The following PDE11A variants were observed in gnomAD, a reference collection of about 807,000 sequenced individuals.
PDE11A encodes the protein phosphodiesterase 11A.
PDE11A carries 100 observed loss-of-function variants against 100.5 expected under a neutral mutation model. That is an observed-to-expected ratio of 1.00 (90% CI 0.85 to 1.18). PDE11A has a LOEUF of 1.18. Among genes scored for constraint, PDE11A ranks in the 50% most tolerant of loss-of-function variants. PDE11A has a pLI of 0.00. For missense variants in PDE11A, 1,141 were observed against 1,152.6 expected (o/e 0.99, Z 0.15); for synonymous variants, 381 against 420.8 (o/e 0.91, Z 1.16).
At chr2:177,933,248 T>C (rs574230560) in intron 2 of PDE11A, among the ~76,000 whole-genome samples, 4 of 152,302 alleles carry the variant, frequency 2.6e-5, no homozygotes, top group African/African-American at 9.6e-5. Flanking sequence ...AATGGCCATA[T>C]TGCTCAAAGC....
At chr2:177,700,949 C>T in intron 14 of PDE11A, 172 bp downstream of exon 14, 4 of 675,878 alleles carry the variant, frequency 5.9e-6, no homozygotes, top group Non-Finnish European at 1.1e-5. Context: ...CTGCAAGGTC[C>T]TGCTCAGGCA....
chr2:177,902,358 C>T (rs935320543), intron 3 of PDE11A, among the ~76,000 whole-genome samples: 1 of 152,168 alleles, frequency 6.6e-6, no homozygotes, highest in African/African-American at 2.4e-5. Context: ...ACTCCTTTTT[C>T]AGACTCAGCC....
At chr2:177,734,540 A>G (rs1405710000) in intron 10 of PDE11A, among the ~76,000 whole-genome samples, 1 of 152,048 alleles carries the variant, frequency 6.6e-6, no homozygotes, top group Non-Finnish European at 1.5e-5. Context: ...TCTCCTGGCA[A>G]TTGTTTTCTC....
rs555736665 is a variant in PDE11A at position 177,701,922 on chromosome 2, T to A, written c.2154-711A>T. ...TAGCTTTGGACGGTTACTTGGCCTT[T>A]TTAAGACTCAGTTTCTTTGTCTCTA... On this transcript the variant is annotated intron_variant, in intron 13 of 19. Coordinates refer to ENST00000286063, the MANE Select transcript of PDE11A (RefSeq NM_016953.4). Among the ~76,000 whole-genome samples the A allele has an allele frequency of 2.4e-4, 37 of 152,326 alleles. No homozygotes were observed. The South Asian group carries it at 7.7e-3, about 32-fold the overall frequency.
At chr2:177,772,435 T>C (rs2082323579) in intron 9 of PDE11A, among the ~76,000 whole-genome samples, 2 of 151,554 alleles carry the variant, frequency 1.3e-5, no homozygotes, top group South Asian at 2.1e-4. Flanking sequence ...CTGGATATTA[T>C]GTTATGTCAT....
intron 2 of PDE11A, among the ~76,000 whole-genome samples, chr2:177,952,359 T>G (rs890086767): frequency 1.3e-5 from 2 of 152,250 alleles, no homozygotes; most frequent in Non-Finnish European, 2.9e-5. Flanking sequence ...GCATACAGTT[T>G]TGATTGCACT....
intron 1 of PDE11A, among the ~76,000 whole-genome samples, chr2:178,036,687 G>A (rs942152475): frequency 2.6e-5 from 4 of 152,012 alleles, no homozygotes; most frequent in Admixed American, 6.6e-5. Context: ...ATAGACCAAC[G>A]GAACGAAAGG....
chr2:177,657,086 C>A (rs2080401147), intron 19 of PDE11A, among the ~76,000 whole-genome samples: 1 of 152,022 alleles, frequency 6.6e-6, no homozygotes, highest in South Asian at 2.1e-4. Flanking sequence ...ATCATTTTGT[C>A]AAAAATTTGG....
At chr2:177,921,366 C>T (rs372003404) in intron 2 of PDE11A, among the ~76,000 whole-genome samples, 2 of 151,162 alleles carry the variant, frequency 1.3e-5, no homozygotes, top group African/African-American at 4.9e-5. Flanking sequence ...ATACATACAA[C>T]TTTACCCAGA....
chr2:177,741,471 T>C (rs1024306941), intron 10 of PDE11A, among the ~76,000 whole-genome samples: 1 of 152,142 alleles, frequency 6.6e-6, no homozygotes, highest in African/African-American at 2.4e-5. Flanking sequence ...AAGAAACAAT[T>C]TGGTCCATAA....
intron 10 of PDE11A, among the ~76,000 whole-genome samples, chr2:177,745,477 C>G (rs2081935122): frequency 6.6e-6 from 1 of 152,206 alleles, no homozygotes; most frequent in South Asian, 2.1e-4. Flanking sequence ...TTCAGTAAGT[C>G]TAGGACGGGA....
intron 19 of PDE11A, among the ~76,000 whole-genome samples, chr2:177,637,710 T>A (rs928192530): frequency 6.6e-6 from 1 of 151,022 alleles, no homozygotes; most frequent in Non-Finnish European, 1.5e-5. Flanking sequence ...GTTTTACATC[T>A]GTCTTTTCCC....
chr2:177,765,891 C>T (rs1179226535), intron 10 of PDE11A, among the ~76,000 whole-genome samples: 1 of 152,214 alleles, frequency 6.6e-6, no homozygotes, highest in East Asian at 1.9e-4. Flanking sequence ...ATTTCTGCAT[C>T]CCAGATGTGG....
In PDE11A at chr2:177,672,556, G is replaced by A. The variant is rs557080781; in HGVS notation, c.2487+2899C>T. 3.9e-5 allele frequency among the ~76,000 whole-genome samples: 6 copies of A among 152,276 alleles called. No individual in the cohort carries two copies. In the South Asian group the frequency reaches 8.3e-4, roughly 21 times the overall value. ...AAGATAGTGAGGAGGCTATAAGGATGAGAATCCATGGCAAAATAATTTGTA... is the reference window on the plus strand; with the variant it reads ...AAGATAGTGAGGAGGCTATAAGGATAAGAATCCATGGCAAAATAATTTGTA... On this transcript the variant is annotated intron_variant, in intron 17 of 19. Coordinates refer to ENST00000286063, the MANE Select transcript of PDE11A (RefSeq NM_016953.4).
At position 177,629,069 on chromosome 2, in the gene PDE11A, G is replaced by C. The variant is rs1340057724; in HGVS notation, c.*338C>G. ...AAGCAGCGCTAATGACGCTTTTACT[G>C]TTCAGTGTTCCCTCAGCTCAGAGTA... is the stretch of plus-strand genomic sequence containing the variant. On this transcript the variant is annotated 3_prime_UTR_variant, in exon 20 of 20. Transcript: ENST00000286063. The C allele has an allele frequency of 5.3e-6, 2 of 374,144 alleles. No individual in the cohort carries two copies. The highest frequency in any genetic ancestry group is 2.1e-5 in the African/African-American group (1 of 48,492). The allele number at this position is 374,144 out of a possible 1,614,324, so 23.2% of individuals were successfully genotyped here. A position where few individuals can be genotyped will look rare whatever the true frequency, so the allele number is the denominator to read the frequency against.
chr2:178,051,152 G>A (rs927278027), intron 1 of PDE11A, among the ~76,000 whole-genome samples: 1 of 152,228 alleles, frequency 6.6e-6, no homozygotes, highest in African/African-American at 2.4e-5. Context: ...ACTAACAGTG[G>A]ATCTCTCAGC....
At position 177,845,280 on chromosome 2, in the gene PDE11A, G is replaced by A. The variant is rs1294769957; in HGVS notation, c.1368-4897C>T. Among the ~76,000 whole-genome samples, 133 of 150,264 alleles carry A rather than the reference G, an allele frequency of 8.9e-4. 1 individual carries two copies. Among genetic ancestry groups the A allele is most frequent in the African/African-American group, 2.9e-3 (119 of 40,820 alleles). On this transcript the variant is annotated intron_variant, in intron 5 of 19. Transcript: ENST00000286063. ...GGGCTCCTCACTTCTCAGACGGGGC[G>A]GTTGCCAGGCAGAGGGTCTCCTCAC... is the stretch of plus-strand genomic sequence containing the variant.
rs142147630 is a variant in PDE11A, at chr2:177,724,764, T to G, written c.2043+2894A>C. On this transcript the variant is annotated intron_variant, in intron 12 of 19. Transcript: ENST00000286063. ...GTGGGGTGTGTACCTCAGTATTCCC[T>G]GTGCTAGAAGAAAAGAAGCACTTTC... is the stretch of plus-strand genomic sequence containing the variant. 2.2e-3 allele frequency among the ~76,000 whole-genome samples: 341 copies of G among 152,152 alleles called. 1 individual carries two copies. The highest frequency in any genetic ancestry group is 7.8e-3 in the African/African-American group (325 of 41,504).
intron 19 of PDE11A, among the ~76,000 whole-genome samples, chr2:177,658,072 C>T (rs1574104599): frequency 6.6e-6 from 1 of 152,132 alleles, no homozygotes; most frequent in South Asian, 2.1e-4. Context: ...CACACCCACA[C>T]CATAGTCACA....
Sources: allele counts gnomAD v4.1 joint callset (sites outside exome capture counted in the v4.1 genomes callset), GRCh38; gene constraint gnomAD v4.1.1; transcripts MANE v1.5; gene names NCBI Gene and HGNC (gene_info 2026-07-23, HGNC 2026-07-21).